The following ECHDC2 variants were observed in gnomAD, a reference collection of about 807,000 sequenced individuals.
The protein encoded by ECHDC2 is enoyl-CoA hydratase domain containing 2, also known as enoyl-CoA hydratase domain-containing protein 2, mitochondrial.
Under a neutral mutation model 40.6 loss-of-function variants are expected in ECHDC2, and 34 were observed. That is an observed-to-expected ratio of 0.84 (90% CI 0.64 to 1.11). The LOEUF is 1.11. Ranked by LOEUF, ECHDC2 falls within the 50% of genes most tolerant of loss-of-function variation. The probability of loss-of-function intolerance (pLI) is 0.00; values close to 1 mark genes in which losing one functional copy is unlikely to be tolerated. For missense variants in ECHDC2, 392 were observed against 400.7 expected (o/e 0.98, Z 0.19); for synonymous variants, 162 against 166.6 (o/e 0.97, Z 0.21).
At chr1:52,921,277 T>G in intron 1 of ECHDC2, 1 of 547,610 alleles carries the variant, frequency 1.8e-6, no homozygotes, top group Non-Finnish European at 2.8e-6. Context: ...GTCCTACCCG[T>G]GCGGACCCCG....
Position 52,911,660 on chromosome 1 carries a change from A to G in ECHDC2, c.190-7T>C, listed in dbSNP as rs764216740. ...GGGCCAGAGTTTCCAGCAGCTACAG[A>G]GGACACCCAGTTAGATAGTGCCAGC... is the stretch of plus-strand genomic sequence containing the variant. On this transcript the variant is annotated splice_region_variant and splice_polypyrimidine_tract_variant and intron_variant, in intron 2 of 9. Transcript: ENST00000371522. The G allele has an allele frequency of 1.2e-5, 20 of 1,614,090 alleles. No individual in the cohort carries two copies. The highest frequency in any genetic ancestry group is 1.7e-5 in the Admixed American group (1 of 60,014).
chr1:52,921,680 G>A lies in ECHDC2; in HGVS notation c.-7C>T, dbSNP rs778562647. On this transcript the variant is annotated 5_prime_UTR_variant, in exon 1 of 10. Coordinates refer to ENST00000371522, the MANE Select transcript of ECHDC2 (RefSeq NM_001198961.2). ...GGCACAGAACGCGCAGCATCGGGGC[G>A]CAGGCTGGGAGTGAAGGTGCTTCTC... The A allele has an allele frequency of 1.9e-6, 3 of 1,554,122 alleles. No individual in the cohort carries two copies. The highest frequency in any genetic ancestry group is 1.9e-5 in the Admixed American group (1 of 52,036).
intron 3 of ECHDC2, among the ~76,000 whole-genome samples, chr1:52,910,573 T>G (rs191566257): frequency 2.0e-3 from 306 of 152,130 alleles, no homozygotes; most frequent in Middle Eastern, 0.017. Flanking sequence ...TTCACCATAT[T>G]GGTCAGGATG....
intron 9 of ECHDC2, 21 bp downstream of exon 9, chr1:52,897,416 C>T (rs1646706436): frequency 1.2e-6 from 2 of 1,613,180 alleles, no homozygotes; most frequent in African/African-American, 1.3e-5. Flanking sequence ...AACAAGCAGG[C>T]ATGGGCTGGT....
chr1:52,918,185 G>A (rs1651116817), intron 1 of ECHDC2, among the ~76,000 whole-genome samples: 1 of 151,972 alleles, frequency 6.6e-6, no homozygotes. Flanking sequence ...AACCATGCCT[G>A]GATAATTTTT....
rs555867492 is a variant in ECHDC2 at position 52,908,257 on chromosome 1, C to T, written c.278-303G>A. On this transcript the variant is annotated intron_variant, in intron 3 of 9. Transcript: ENST00000371522. Reference sequence around the variant, plus strand: ...GGGTGCAGTGGCTCACGCTTGCAATCTCAGCATTTTGGGAGGCCGAGGCAG... The same window carrying T: ...GGGTGCAGTGGCTCACGCTTGCAATTTCAGCATTTTGGGAGGCCGAGGCAG... Among the ~76,000 whole-genome samples the T allele has an allele frequency of 1.4e-3, 210 of 152,212 alleles. 1 individual carries two copies. The highest frequency in any genetic ancestry group is 2.7e-3 in the Non-Finnish European group (183 of 68,042).
chr1:52,903,469 C>A (rs1007072351), intron 7 of ECHDC2, among the ~76,000 whole-genome samples: 27 of 151,752 alleles, frequency 1.8e-4, no homozygotes, highest in Non-Finnish European at 1.2e-4. Context: ...TTGTTTTTAG[C>A]AACGGGATTT....
At chr1:52,908,074 AC>A in intron 3 of ECHDC2, 120 bp from the exon 4 acceptor site, 1 of 802,046 alleles carries the variant, frequency 1.2e-6, no homozygotes, top group Non-Finnish European at 2.1e-6. Flanking sequence ...AAGGAGAAAC[AC>A]CAGGAACCCG....
At position 52,914,552 on chromosome 1, in the gene ECHDC2, C is replaced by A. The variant is rs905046326; in HGVS notation, c.122-2762G>T. On this transcript the variant is annotated intron_variant, in intron 1 of 9. Coordinates refer to ENST00000371522, the MANE Select transcript of ECHDC2 (RefSeq NM_001198961.2). This position sits in a 1 kb window ranked among gnomAD's most constrained non-coding sequence, Gnocchi z 4.0. ...GGACCTCCCTTCCACAGCTAACACA[C>A]GCCTGCCTCCTGTACACCCAGGGCT... Among the ~76,000 whole-genome samples the A allele has an allele frequency of 6.6e-6, 1 of 152,120 alleles. No homozygotes were observed. The highest frequency in any genetic ancestry group is 2.4e-5 in the African/African-American group (1 of 41,408).
chr1:52,904,588 C>G, intron 7 of ECHDC2, 58 bp downstream of exon 7: 1 of 1,454,100 alleles, frequency 6.9e-7, no homozygotes, highest in Non-Finnish European at 9.2e-7. Context: ...ACACCCTGCC[C>G]CACACATGCC....
intron 1 of ECHDC2, among the ~76,000 whole-genome samples, chr1:52,920,753 AAAAG>A (rs1373545569): frequency 1.3e-5 from 2 of 152,180 alleles, no homozygotes; most frequent in Non-Finnish European, 2.9e-5. Flanking sequence ...TTAAAAAAAA[AAAAG>A]AAGCAATACA....
chr1:52,919,841 C>A (rs12064377), intron 1 of ECHDC2, among the ~76,000 whole-genome samples: 7,842 of 152,308 alleles, frequency 0.051, 709 homozygotes, highest in African/African-American at 0.18. Context: ...CCTTTTCCTG[C>A]CCTTTGAGCC....
intron 3 of ECHDC2, 52 bp downstream of exon 3, chr1:52,911,514 A>C: frequency 6.4e-7 from 1 of 1,567,408 alleles, no homozygotes; most frequent in Admixed American, 1.7e-5. Flanking sequence ...CAACCCCTGG[A>C]GGCTGGTGGG....
Position 52,905,090 on chromosome 1 carries a change from G to A in ECHDC2, c.458C>T (p.Ala153Val). The change falls in exon 6 of 10, where the codon GCT becomes GTT. Residue 153 changes from alanine to valine, a missense_variant and splice_region_variant. By Grantham distance (64) the Ala-to-Val change is moderately conservative. Coordinates refer to ENST00000371522, the MANE Select transcript of ECHDC2 (RefSeq NM_001198961.2). ...LALACDLRVA[A>V]SSAVMGLIET... ...AATCAGTCCCATGACTGCCGAGGAAGCTGCTCAGATAGAACAAAGTGAGGC... is the reference window on the plus strand; with the variant it reads ...AATCAGTCCCATGACTGCCGAGGAAACTGCTCAGATAGAACAAAGTGAGGC... 6.2e-7 allele frequency: 1 copy of A among 1,614,138 alleles called. No homozygotes were observed. The highest frequency in any genetic ancestry group is 8.5e-7 in the Non-Finnish European group (1 of 1,180,026).
At chr1:52,919,763 G>C in intron 1 of ECHDC2, among the ~76,000 whole-genome samples, 1 of 152,192 alleles carries the variant, frequency 6.6e-6, no homozygotes. Flanking sequence ...TGAGGGCTCC[G>C]TGTGTGATCT....
intron 5 of ECHDC2, 94 bp from the exon 6 acceptor site, chr1:52,905,184 C>T (rs971991350): frequency 2.9e-6 from 4 of 1,384,070 alleles, no homozygotes; most frequent in Admixed American, 1.9e-5. Flanking sequence ...TCTACTCGCC[C>T]CTCTAGCCAC....
chr1:52,918,031 C>T (rs1353159730), intron 1 of ECHDC2, among the ~76,000 whole-genome samples: 1 of 152,088 alleles, frequency 6.6e-6, no homozygotes, highest in African/African-American at 2.4e-5. Flanking sequence ...TACAGTAACA[C>T]GATCATGGCT....
At chr1:52,915,324 T>A (rs1010116285) in intron 1 of ECHDC2, 1 of 455,950 alleles carries the variant, frequency 2.2e-6, no homozygotes, top group African/African-American at 2.0e-5. Flanking sequence ...GAAGTTGGCA[T>A]TCTCAGTTTA....
At chr1:52,902,539 C>T (rs1161513733) in intron 7 of ECHDC2, among the ~76,000 whole-genome samples, 2 of 152,170 alleles carry the variant, frequency 1.3e-5, no homozygotes, top group African/African-American at 2.4e-5. Flanking sequence ...GTCTTCCCAC[C>T]TCAGCCTCCC....
Sources: gnomAD v4.1 joint callset for allele counts (sites outside exome capture counted in the v4.1 genomes callset) on GRCh38, gnomAD v4.1.1 for gene constraint, Gnocchi (gnomAD v3.1) non-coding constraint, MANE v1.5 for transcripts, NCBI Gene and HGNC (gene_info 2026-07-23, HGNC 2026-07-21) for gene names.